Variants in LGR6 observed in about 807,000 individuals in gnomAD.
LGR6 encodes leucine-rich repeat-containing G protein-coupled receptor 6.
LGR6 carries 45 observed loss-of-function variants against 69.4 expected under a neutral mutation model. The observed-to-expected ratio is 0.65, with a 90% confidence interval of 0.51 to 0.83. The LOEUF is 0.83. Among genes scored for constraint, LGR6 ranks in the 40% least tolerant of loss-of-function variants. The probability of loss-of-function intolerance (pLI) is 0.00; values close to 1 mark genes in which losing one functional copy is unlikely to be tolerated. For synonymous variants in LGR6, 538 were observed against 555.0 expected, an observed-to-expected ratio of 0.97 and a Z score of 0.43; for missense variants, 1,108 against 1,246.7, an observed-to-expected ratio of 0.89 and a Z score of 1.68.
At chr1:202,276,107 A>C (rs895545883) in intron 4 of LGR6, among the ~76,000 whole-genome samples, 199 bp from the exon 5 acceptor site, 5 of 152,220 alleles carry the variant, frequency 3.3e-5, no homozygotes, top group East Asian at 1.9e-4. Context: ...ACAACAACAA[A>C]AAAAGAACTA....
chr1:202,266,413 G>A (rs1664660793), intron 4 of LGR6, among the ~76,000 whole-genome samples: 1 of 152,150 alleles, frequency 6.6e-6, no homozygotes, highest in Admixed American at 6.5e-5. Context: ...CTCGTCTGAA[G>A]TCATAGCGCC....
intron 4 of LGR6, among the ~76,000 whole-genome samples, chr1:202,256,152 T>C (rs1023836804): frequency 2.0e-5 from 3 of 152,252 alleles, no homozygotes; most frequent in African/African-American, 7.2e-5. Flanking sequence ...TAGCTTTTAA[T>C]ATCTGGCTTT....
intron 4 of LGR6, among the ~76,000 whole-genome samples, chr1:202,275,094 A>G (rs1480692152): frequency 6.6e-6 from 1 of 152,214 alleles, no homozygotes; most frequent in Non-Finnish European, 1.5e-5. Flanking sequence ...GGATGAAAGA[A>G]TATCACCCCA....
At chr1:202,197,008 C>T in intron 1 of LGR6, 1 of 532,616 alleles carries the variant, frequency 1.9e-6, no homozygotes, top group Non-Finnish European at 3.9e-6. Context: ...AATGTTAAAA[C>T]ACTTGGACAT....
intron 1 of LGR6, among the ~76,000 whole-genome samples, chr1:202,219,733 A>C (rs1660021387): frequency 6.6e-6 from 1 of 152,230 alleles, no homozygotes; most frequent in South Asian, 2.1e-4. Flanking sequence ...TGGAGGATAC[A>C]CAGATGACTA....
chr1:202,244,915 C>CTGGCCAAG (rs1662521499), intron 4 of LGR6, among the ~76,000 whole-genome samples: 1 of 152,238 alleles, frequency 6.6e-6, no homozygotes, highest in African/African-American at 2.4e-5. Flanking sequence ...ATGGGGGCAT[C>CTGGCCAAG]TGGCCAAGTG....
rs1231849064 is a variant in LGR6, at chr1:202,204,329, AAC to A, written c.212+10137_212+10138del. Among the ~76,000 whole-genome samples the A allele has an allele frequency of 6.5e-5, 7 of 107,138 alleles. No homozygotes were observed. The South Asian group carries it at 9.3e-4, about 14-fold the overall frequency. The allele number at this position is 107,138 out of a possible 152,430, so 70.3% of individuals were successfully genotyped here. A position where few individuals can be genotyped will look rare whatever the true frequency, so the allele number is the denominator to read the frequency against. On this transcript the variant is annotated intron_variant, in intron 1 of 17. Coordinates refer to ENST00000367278, the MANE Select transcript of LGR6 (RefSeq NM_001017403.2). ...ACACACCCAACACACACCTCCTCCTAACACACACACCTCCACACACACACACC... is the reference window on the plus strand; with the variant it reads ...ACACACCCAACACACACCTCCTCCTAACACACACCTCCACACACACACACC...
At chr1:202,210,834 T>C (rs1659435059) in intron 1 of LGR6, 1 of 152,236 alleles carries the variant, frequency 6.6e-6, no homozygotes, top group Non-Finnish European at 1.5e-5. Context: ...CTCTAGCAAC[T>C]TGAGGCTGTG....
intron 1 of LGR6, among the ~76,000 whole-genome samples, chr1:202,200,911 C>T (rs1034418679): frequency 6.6e-6 from 1 of 152,204 alleles, no homozygotes; most frequent in African/African-American, 2.4e-5. Flanking sequence ...GGCAGGCCGG[C>T]GGCTGGCGGG....
intron 6 of LGR6, among the ~76,000 whole-genome samples, chr1:202,283,502 C>T (rs1045677785): frequency 5.3e-5 from 8 of 152,240 alleles, no homozygotes; most frequent in African/African-American, 1.7e-4. Context: ...CCATAAATCT[C>T]TGCCACTTAG....
At chr1:202,208,911 G>A (rs1007709171) in intron 1 of LGR6, among the ~76,000 whole-genome samples, 2 of 152,106 alleles carry the variant, frequency 1.3e-5, no homozygotes, top group African/African-American at 4.8e-5. Context: ...GAGCCATAGG[G>A]GTAAAGAGTG....
At chr1:202,271,118 G>A (rs750455618) in intron 4 of LGR6, among the ~76,000 whole-genome samples, 7 of 152,198 alleles carry the variant, frequency 4.6e-5, no homozygotes, top group Non-Finnish European at 8.8e-5. Flanking sequence ...CTGTTCCAGA[G>A]CTTAATTGGT....
chr1:202,288,950 ACAGAGGTCTGATTGCATC>A (rs755769755), intron 6 of LGR6, among the ~76,000 whole-genome samples: 81 of 152,342 alleles, frequency 5.3e-4, no homozygotes, highest in East Asian at 9.6e-4. Flanking sequence ...GATGTTGCCT[ACAGAGGTCTGATTGCATC>A]CAGAGGTCTG....
chr1:202,222,133 C>A (rs1660201968), intron 1 of LGR6, among the ~76,000 whole-genome samples: 1 of 152,240 alleles, frequency 6.6e-6, no homozygotes, highest in African/African-American at 2.4e-5. Context: ...CCCACTTCAC[C>A]TCCCTCTTCC....
chr1:202,305,017 T>A (rs1667880055), intron 11 of LGR6, among the ~76,000 whole-genome samples: 1 of 152,208 alleles, frequency 6.6e-6, no homozygotes, highest in Non-Finnish European at 1.5e-5. Context: ...TTAAGTGGCC[T>A]CTGAAGTCAA....
At chr1:202,198,696 T>C (rs1216457633) in intron 1 of LGR6, among the ~76,000 whole-genome samples, 2 of 137,766 alleles carry the variant, frequency 1.5e-5, no homozygotes, top group African/African-American at 5.8e-5. Flanking sequence ...TTTTTTTTTT[T>C]AAGAGTACAG....
chr1:202,226,095 C>G (rs772354738), intron 2 of LGR6, among the ~76,000 whole-genome samples: 1 of 152,204 alleles, frequency 6.6e-6, no homozygotes, highest in Non-Finnish European at 1.5e-5. Context: ...TGGTGAATCC[C>G]TGCCCACAGT....
intron 5 of LGR6, among the ~76,000 whole-genome samples, chr1:202,277,700 T>A (rs1266751959): frequency 6.6e-6 from 1 of 152,110 alleles, no homozygotes; most frequent in East Asian, 1.9e-4. Context: ...TTGAGGGGCT[T>A]TCAGTCCAAT....
chr1:202,227,061 T>C (rs979843379), intron 2 of LGR6, among the ~76,000 whole-genome samples: 4 of 152,066 alleles, frequency 2.6e-5, no homozygotes, highest in South Asian at 2.1e-4. Context: ...CCACGGCAAA[T>C]ACCCACCTAC....
Sources: allele counts gnomAD v4.1 joint callset (sites outside exome capture counted in the v4.1 genomes callset), GRCh38; gene constraint gnomAD v4.1.1; transcripts MANE v1.5; gene names NCBI Gene and HGNC (gene_info 2026-07-23, HGNC 2026-07-21).